The following PTPRG variants were observed in gnomAD, a reference collection of about 807,000 sequenced individuals.
PTPRG encodes the protein protein tyrosine phosphatase receptor type G.
In PTPRG, 102 loss-of-function variants were observed where a neutral mutation model predicts 165.3. The observed-to-expected ratio is 0.62, with a 90% CI of 0.53 to 0.73. PTPRG has a LOEUF of 0.73. Among genes scored for constraint, PTPRG ranks in the 30% least tolerant of loss-of-function variants. PTPRG has a pLI of 0.00. For missense variants in PTPRG, 1,866 were observed against 1,861.4 expected (o/e 1.00, Z -0.05); for synonymous variants, 675 against 669.5 (o/e 1.01, Z -0.13).
chr3:62,259,260 G>A (rs1359421636), intron 16 of PTPRG, among the ~76,000 whole-genome samples: 1 of 152,216 alleles, frequency 6.6e-6, no homozygotes, highest in Non-Finnish European at 1.5e-5. Flanking sequence ...GTGTAATGCT[G>A]CACCGACTGC....
chr3:61,787,226 G>T (rs529302694), intron 2 of PTPRG, among the ~76,000 whole-genome samples: 1 of 152,318 alleles, frequency 6.6e-6, no homozygotes, highest in South Asian at 2.1e-4. Context: ...GAATTATGGT[G>T]ATGAATAATT....
chr3:62,142,584 T>A (rs1308349687), intron 6 of PTPRG, among the ~76,000 whole-genome samples: 1 of 152,196 alleles, frequency 6.6e-6, no homozygotes, highest in Non-Finnish European at 1.5e-5. Flanking sequence ...AAGTTCCAAG[T>A]GGCCTCACAA....
intron 2 of PTPRG, among the ~76,000 whole-genome samples, chr3:61,975,028 T>G (rs1056226418): frequency 6.6e-6 from 1 of 151,954 alleles, no homozygotes; most frequent in African/African-American, 2.4e-5. Flanking sequence ...CTTTCACTAC[T>G]TGCTTGATGG....
chr3:61,905,012 T>C (rs1191399803), intron 2 of PTPRG, among the ~76,000 whole-genome samples: 1 of 151,978 alleles, frequency 6.6e-6, no homozygotes, highest in South Asian at 2.1e-4. Context: ...AAGGAAAGGC[T>C]TTTTTTCCCC....
At chr3:62,060,481 C>T (rs368243371) in intron 4 of PTPRG, among the ~76,000 whole-genome samples, 2 of 152,176 alleles carry the variant, frequency 1.3e-5, no homozygotes, top group African/African-American at 4.8e-5. Flanking sequence ...CTTTCCTCAT[C>T]AGGATGCCAG....
chr3:61,723,351 T>G (rs927765787), intron 1 of PTPRG, among the ~76,000 whole-genome samples: 1 of 152,156 alleles, frequency 6.6e-6, no homozygotes, highest in African/African-American at 2.4e-5. Flanking sequence ...AGTTGCTAAG[T>G]TTTATCTGCC....
At chr3:61,995,312 C>G (rs1349191539) in intron 3 of PTPRG, among the ~76,000 whole-genome samples, 1 of 151,964 alleles carries the variant, frequency 6.6e-6, no homozygotes, top group African/African-American at 2.4e-5. Flanking sequence ...TGGTCTCAAA[C>G]TCCCGGCCTC....
intron 4 of PTPRG, among the ~76,000 whole-genome samples, chr3:62,071,551 G>C (rs1356133314): frequency 6.6e-6 from 1 of 152,154 alleles, no homozygotes; most frequent in Non-Finnish European, 1.5e-5. Flanking sequence ...CACTCAGTCA[G>C]CTTTGGCACT....
rs1319033562 is a variant in PTPRG at position 62,168,060 on chromosome 3, G to A, written c.930G>A (p.Gln310=). The change falls in exon 8 of 30, where the codon CAG becomes CAA. Residue 310 remains glutamine, a synonymous_variant. Transcript: ENST00000474889. ...TGAGAAATAACTTTCGACCACAGCA[G>A]CGTCTGCATGACAGGGTGGTGTCCA... ...EYLRNNFRPQ[Q]RLHDRVVSKS... 3 of 1,613,860 alleles carry A rather than the reference G, an allele frequency of 1.9e-6. No individual in the cohort carries two copies. The highest frequency in any genetic ancestry group is 2.2e-5 in the East Asian group (1 of 44,878).
intron 1 of PTPRG, among the ~76,000 whole-genome samples, chr3:61,715,839 C>G (rs1457853758): frequency 6.6e-6 from 1 of 151,166 alleles, no homozygotes; most frequent in Admixed American, 6.6e-5. Flanking sequence ...AGGGTACATA[C>G]TAGTTTACCA....
At chr3:61,913,276 G>T (rs547513178) in intron 2 of PTPRG, among the ~76,000 whole-genome samples, 1 of 152,256 alleles carries the variant, frequency 6.6e-6, no homozygotes, top group South Asian at 2.1e-4. Flanking sequence ...CTGGAGTGCA[G>T]TGGCGCGATC....
intron 28 of PTPRG, 37 bp downstream of exon 28, chr3:62,282,906 T>C: frequency 6.4e-7 from 1 of 1,556,262 alleles, no homozygotes. Flanking sequence ...ATGTAGACCG[T>C]TTTTTTGTTT....
chr3:61,699,672 G>A (rs950635018), intron 1 of PTPRG, among the ~76,000 whole-genome samples: 2 of 152,122 alleles, frequency 1.3e-5, no homozygotes, highest in African/African-American at 4.8e-5. Flanking sequence ...TTTATTTTCT[G>A]AAATGATTGT....
rs1446683753 is a variant in PTPRG, at chr3:61,601,392, CTG to C, written c.85+39022_85+39023del. Among the ~76,000 whole-genome samples, 3 of 152,234 alleles carry C rather than the reference CTG, an allele frequency of 2.0e-5. No individual in the cohort carries two copies. In the East Asian group the frequency reaches 5.8e-4, roughly 29 times the overall value. On this transcript the variant is annotated intron_variant, in intron 1 of 29. Transcript: ENST00000474889. ...CACACTTTGGGAAGACACTGAAACACTGTAGAATGTGGGCATGTTGGCCTCTG... is the reference window on the plus strand; with the variant it reads ...CACACTTTGGGAAGACACTGAAACACTAGAATGTGGGCATGTTGGCCTCTG...
rs1256982907 is a variant in PTPRG, at chr3:62,240,762, T to G, written c.2376-3045T>G. Among the ~76,000 whole-genome samples the G allele has an allele frequency of 1.3e-5, 2 of 152,114 alleles. No homozygotes were observed. The highest frequency in any genetic ancestry group is 2.9e-5 in the Non-Finnish European group (2 of 68,012). ...TGCCTAAAATGGTCTTCCTCCAGAG[T>G]TTTACAGGGTTAGACCTCCTTAATC... On this transcript the variant is annotated intron_variant, in intron 14 of 29. Transcript: ENST00000474889. The surrounding 1 kb of genome is among the most constrained non-coding windows in gnomAD (Gnocchi z 5.1).
chr3:62,266,339 G>C (rs1381630015), intron 17 of PTPRG, among the ~76,000 whole-genome samples: 1 of 152,076 alleles, frequency 6.6e-6, no homozygotes, highest in African/African-American at 2.4e-5. Context: ...CCTTCTCTCA[G>C]ATTCATCACA....
chr3:62,157,008 G>T lies in PTPRG; in HGVS notation c.683-59G>T, dbSNP rs1340682937. 3 of 1,466,420 alleles carry T rather than the reference G, an allele frequency of 2.0e-6. No homozygotes were observed. In the East Asian group the frequency reaches 6.9e-5, roughly 34 times the overall value. 90.8% of individuals were successfully genotyped at this position (1,466,420 alleles called of 1,614,324 possible). ...CATGCCGAGGGTGTTGACTGTGTCTGCGGCTCGGAATGGCATGACTTACCA... is the reference window on the plus strand; with the variant it reads ...CATGCCGAGGGTGTTGACTGTGTCTTCGGCTCGGAATGGCATGACTTACCA... On this transcript the variant is annotated intron_variant, in intron 6 of 29. Transcript: ENST00000474889.
chr3:61,813,376 G>A (rs2035650424), intron 2 of PTPRG, among the ~76,000 whole-genome samples: 1 of 149,606 alleles, frequency 6.7e-6, no homozygotes, highest in Admixed American at 6.7e-5. Context: ...TTAGTTGGGT[G>A]TGGTGACATG....
intron 2 of PTPRG, among the ~76,000 whole-genome samples, chr3:61,937,173 A>T (rs914080281): frequency 6.6e-6 from 1 of 152,192 alleles, no homozygotes; most frequent in Non-Finnish European, 1.5e-5. Flanking sequence ...GAAAGATGCA[A>T]ACCTTCAAGG....
Sources: gnomAD v4.1 joint callset for allele counts (sites outside exome capture counted in the v4.1 genomes callset) on GRCh38, gnomAD v4.1.1 for gene constraint, Gnocchi (gnomAD v3.1) non-coding constraint, MANE v1.5 for transcripts, NCBI Gene and HGNC (gene_info 2026-07-23, HGNC 2026-07-21) for gene names.